Variants in TMEFF2 observed in about 807,000 individuals in gnomAD.
The protein encoded by TMEFF2 is tomoregulin-2.
Under a neutral mutation model 53.8 loss-of-function variants are expected in TMEFF2, and 28 were observed. That is an observed-to-expected ratio of 0.52 (90% CI 0.39 to 0.71). The LOEUF is 0.71. Among genes scored for constraint, TMEFF2 ranks in the 30% least tolerant of loss-of-function variants. The pLI is 0.00. For missense variants in TMEFF2, 353 were observed against 455.2 expected (o/e 0.78, Z 2.04); for synonymous variants, 162 against 166.3 (o/e 0.97, Z 0.20).
Position 191,953,679 on chromosome 2 carries a change from C to T in TMEFF2, c.1028G>A (p.Arg343Lys). 6.2e-7 allele frequency: 1 copy of T among 1,613,078 alleles called. No individual in the cohort carries two copies. The highest frequency in any genetic ancestry group is 8.5e-7 in the Non-Finnish European group (1 of 1,179,544). ...GTAGCCACCAAGTGCTGTTACTGAC[C>T]TTGTGATGCAGAGGACCACCACACA... Reference protein sequence around the residue: ...VICVVVLCITRKCPRSNRIHR... With the variant: ...VICVVVLCITKKCPRSNRIHR... The change falls in exon 9 of 10, where the codon AGG (arginine) becomes AAG (lysine). Residue 343 changes from arginine (R) to lysine (K), a missense_variant and splice_region_variant. By Grantham distance (26) the Arg-to-Lys change is conservative. Transcript: ENST00000272771.
intron 8 of TMEFF2, among the ~76,000 whole-genome samples, chr2:191,955,516 A>G (rs1692047755): frequency 6.5e-5 from 2 of 30,850 alleles, no homozygotes; most frequent in Non-Finnish European, 6.8e-5. Context: ...GTGCCTGGCT[A>G]ATTCTTAATT....
intron 5 of TMEFF2, among the ~76,000 whole-genome samples, chr2:192,017,297 C>T (rs146835489): frequency 0.011 from 1,744 of 152,230 alleles, 16 homozygotes; most frequent in Non-Finnish European, 0.018. Flanking sequence ...GTATGAACTG[C>T]TAAGGACCTT....
At chr2:192,167,853 T>C (rs1380983476) in intron 4 of TMEFF2, among the ~76,000 whole-genome samples, 1 of 152,184 alleles carries the variant, frequency 6.6e-6, no homozygotes, top group African/African-American at 2.4e-5. Context: ...TAGCAATTAC[T>C]GGGAAGTAGA....
chr2:191,988,147 TG>T (rs1686022945), intron 7 of TMEFF2, among the ~76,000 whole-genome samples: 1 of 152,190 alleles, frequency 6.6e-6, no homozygotes, highest in South Asian at 2.1e-4. Context: ...TGCCTATCAC[TG>T]TTGATGGAAT....
chr2:192,097,864 T>G (rs1267322115), intron 4 of TMEFF2, among the ~76,000 whole-genome samples: 1 of 152,180 alleles, frequency 6.6e-6, no homozygotes, highest in East Asian at 1.9e-4. Context: ...CTAGGCACAA[T>G]ACGTATAATA....
intron 4 of TMEFF2, among the ~76,000 whole-genome samples, chr2:192,114,653 A>C (rs1181046870): frequency 6.6e-6 from 1 of 151,990 alleles, no homozygotes; most frequent in Non-Finnish European, 1.5e-5. Flanking sequence ...CTAATGATGA[A>C]TAAGTTAAGA....
chr2:192,101,266 C>T (rs1689025629), intron 4 of TMEFF2, among the ~76,000 whole-genome samples: 1 of 151,982 alleles, frequency 6.6e-6, no homozygotes, highest in Non-Finnish European at 1.5e-5. Flanking sequence ...GGGGTTATTA[C>T]CCAAAATAAT....
intron 4 of TMEFF2, among the ~76,000 whole-genome samples, chr2:192,077,495 C>T (rs975978621): frequency 1.3e-4 from 20 of 151,968 alleles, no homozygotes; most frequent in Admixed American, 7.2e-4. Context: ...TTTTTTTCTT[C>T]CTCAAACTTT....
intron 7 of TMEFF2, among the ~76,000 whole-genome samples, chr2:191,994,517 A>G (rs1559076249): frequency 6.6e-6 from 1 of 151,890 alleles, no homozygotes; most frequent in Non-Finnish European, 1.5e-5. Flanking sequence ...TGGATAAAGA[A>G]AAACAAATAG....
chr2:192,073,370 C>A lies in TMEFF2; in HGVS notation c.440-15595G>T, dbSNP rs1341327540. Among the ~76,000 whole-genome samples the A allele has an allele frequency of 2.6e-5, 4 of 151,820 alleles. No homozygotes were observed. The South Asian group carries it at 8.3e-4, about 32-fold the overall frequency. On this transcript the variant is annotated intron_variant, in intron 4 of 9. Coordinates refer to ENST00000272771, the MANE Select transcript of TMEFF2 (RefSeq NM_016192.4). The stretch of plus-strand genomic sequence containing the variant: ...CAGCCAAGGGTGTCACTTGTGAAAC[C>A]TGCTTTTAAAAACATATACTACACA...
At chr2:192,004,017 C>A (rs1246353851) in intron 5 of TMEFF2, among the ~76,000 whole-genome samples, 1 of 151,956 alleles carries the variant, frequency 6.6e-6, no homozygotes, top group Admixed American at 6.6e-5. Context: ...TTTTCTGCAA[C>A]CTTCTCAAGG....
At chr2:191,992,110 G>T (rs1686123005) in intron 7 of TMEFF2, among the ~76,000 whole-genome samples, 1 of 151,980 alleles carries the variant, frequency 6.6e-6, no homozygotes, top group Non-Finnish European at 1.5e-5. Context: ...CATTTCCTAG[G>T]CTTAAATATT....
chr2:192,182,286 C>A (rs1255570295), intron 3 of TMEFF2, among the ~76,000 whole-genome samples: 1 of 151,822 alleles, frequency 6.6e-6, no homozygotes, highest in African/African-American at 2.4e-5. Context: ...CCTTTTAGAT[C>A]AAAAGTCAGA....
chr2:192,142,407 T>C (rs541632639), intron 4 of TMEFF2, among the ~76,000 whole-genome samples: 1 of 152,140 alleles, frequency 6.6e-6, no homozygotes, highest in African/African-American at 2.4e-5. Context: ...GGAGTACATA[T>C]ACATTAATCT....
chr2:192,147,695 C>T (rs944858865), intron 4 of TMEFF2, among the ~76,000 whole-genome samples: 1 of 151,998 alleles, frequency 6.6e-6, no homozygotes, highest in African/African-American at 2.4e-5. Flanking sequence ...TCAACTAACC[C>T]TTTCATCTTA....
At chr2:191,996,769 T>TAA (rs1246982887) in intron 7 of TMEFF2, among the ~76,000 whole-genome samples, 4 of 151,894 alleles carry the variant, frequency 2.6e-5, no homozygotes, top group African/African-American at 9.7e-5. Flanking sequence ...AGATGCATGC[T>TAA]AAAGTATTTG....
intron 5 of TMEFF2, among the ~76,000 whole-genome samples, chr2:192,027,039 C>CA (rs1172630371): frequency 6.6e-6 from 1 of 152,112 alleles, no homozygotes; most frequent in Non-Finnish European, 1.5e-5. Context: ...ATTTTCTTTT[C>CA]AAGTACAATA....
chr2:192,172,351 G>T (rs887847882), intron 4 of TMEFF2, among the ~76,000 whole-genome samples: 3 of 151,762 alleles, frequency 2.0e-5, no homozygotes, highest in African/African-American at 7.3e-5. Flanking sequence ...TGCATACCAT[G>T]CCAGGGTCAC....
At chr2:192,091,828 C>G (rs1053429775) in intron 4 of TMEFF2, among the ~76,000 whole-genome samples, 4 of 152,072 alleles carry the variant, frequency 2.6e-5, no homozygotes, top group African/African-American at 9.7e-5. Context: ...ATATCCAAAA[C>G]TGGAGTGAAA....
Sources: gnomAD v4.1 joint callset for allele counts (sites outside exome capture counted in the v4.1 genomes callset) on GRCh38, gnomAD v4.1.1 for gene constraint, MANE v1.5 for transcripts, NCBI Gene and HGNC (gene_info 2026-07-23, HGNC 2026-07-21) for gene names.